Variants in ATCAY observed in about 807,000 individuals in gnomAD.
The protein encoded by ATCAY is ATCAY kinesin light chain interacting caytaxin, also known as caytaxin.
Under a neutral mutation model 47.7 loss-of-function variants are expected in ATCAY, and 22 were observed. That is an observed-to-expected ratio of 0.46 (90% confidence interval 0.33 to 0.66). The LOEUF is 0.66. ATCAY is among the 30% of genes least tolerant of loss of function. ATCAY has a pLI of 0.02. For missense variants in ATCAY, 452 were observed against 515.0 expected, an observed-to-expected ratio of 0.88 and a Z score of 1.18; for synonymous variants, 216 against 207.6, an observed-to-expected ratio of 1.04 and a Z score of -0.35.
chr19:3,905,639 C>T lies in ATCAY; in HGVS notation c.342C>T (p.Asn114=), dbSNP rs376522576. 1.4e-4 allele frequency: 225 copies of T among 1,613,396 alleles called. No individual in the cohort carries two copies. Among genetic ancestry groups the T allele is most frequent in the Non-Finnish European group, 1.8e-4 (213 of 1,179,778 alleles). ...CGCTGGAGTTCCTGGGGAATGGCAA[C>T]GAACTGGAGTGGGAAGGTAAAGTTC... ...TDSLEFLGNG[N]ELEWEDDTPV... is the part of the protein sequence containing the mutation. The change falls in exon 4 of 13, where the codon AAC becomes AAT. Residue 114 remains asparagine, a synonymous_variant. Coordinates refer to ENST00000450849, the MANE Select transcript of ATCAY (RefSeq NM_033064.5).
At chr19:3,905,729 A>G (rs1599287559) in intron 4 of ATCAY, 74 bp downstream of exon 4, 29 of 1,364,248 alleles carry the variant, frequency 2.1e-5, no homozygotes, top group Non-Finnish European at 2.8e-5. Flanking sequence ...CTGGATTCCC[A>G]TAGGCTCAGA....
Position 3,912,756 on chromosome 19 carries a change from C to T in ATCAY, c.867-1002C>T, listed in dbSNP as rs527394040. On this transcript the variant is annotated intron_variant, in intron 8 of 12. Transcript: ENST00000450849. ...TTTTAATTAGCCAGGCCTGGTGGCGCGCACCTGTGATCCCAGCTACTCAGA... is the reference window on the plus strand; with the variant it reads ...TTTTAATTAGCCAGGCCTGGTGGCGTGCACCTGTGATCCCAGCTACTCAGA... Among the ~76,000 whole-genome samples the T allele has an allele frequency of 1.1e-4, 16 of 151,784 alleles. No homozygotes were observed. The South Asian group carries it at 1.7e-3, about 16-fold the overall frequency.
Position 3,896,702 on chromosome 19 carries a change from G to A in ATCAY, c.78-5785G>A, listed in dbSNP as rs146879093. On this transcript the variant is annotated intron_variant, in intron 2 of 12. Transcript: ENST00000450849. ...CATCTTGAGAATCGAAGGCAGTGCC[G>A]GCTGCAAAGCAATGGGGCTTTCCTC... is the stretch of plus-strand genomic sequence containing the variant. Among the ~76,000 whole-genome samples the A allele has an allele frequency of 2.6e-3, 389 of 152,294 alleles. 1 individual carries two copies. The highest frequency in any genetic ancestry group is 9.0e-3 in the African/African-American group (376 of 41,562).
chr19:3,881,875 C>CGCCCCG (rs1555765216), intron 1 of ATCAY, among the ~76,000 whole-genome samples: 82 of 145,998 alleles, frequency 5.6e-4, no homozygotes, highest in African/African-American at 2.0e-3. Context: ...CGCCCCCCCC[C>CGCCCCG]CGACCCCATA....
intron 1 of ATCAY, among the ~76,000 whole-genome samples, chr19:3,881,543 C>T (rs2038599641): frequency 6.6e-6 from 1 of 152,196 alleles, no homozygotes; most frequent in African/African-American, 2.4e-5. Context: ...ATGAGCGCTT[C>T]ACTCCCGTTC....
At chr19:3,908,896 CCCTCCCCATCCTCCT>C (rs1214051890) in intron 6 of ATCAY, among the ~76,000 whole-genome samples, 1 of 85,298 alleles carries the variant, frequency 1.2e-5, no homozygotes, top group Non-Finnish European at 2.4e-5. Context: ...CCTCTCCTCC[CCCTCCCCATCCTCCT>C]CCTCCCCATC....
intron 9 of ATCAY, 106 bp downstream of exon 9, chr19:3,913,962 C>T (rs1384019998): frequency 2.9e-5 from 28 of 974,376 alleles, no homozygotes; most frequent in South Asian, 1.5e-4. Flanking sequence ...AGGGGCCGGG[C>T]GCGGTGGCTC....
chr19:3,889,949 CT>C (rs911051026), intron 2 of ATCAY, among the ~76,000 whole-genome samples: 166 of 144,364 alleles, frequency 1.1e-3, no homozygotes, highest in Admixed American at 1.5e-3. Context: ...CTTTTCTTTT[CT>C]TTTTTTTTTT....
chr19:3,899,841 G>C (rs1191063049), intron 2 of ATCAY, among the ~76,000 whole-genome samples: 2 of 152,128 alleles, frequency 1.3e-5, no homozygotes, highest in African/African-American at 4.8e-5. Context: ...CAGTGCTCCT[G>C]GGTCAAACTC....
At chr19:3,897,912 A>G (rs1423959336) in intron 2 of ATCAY, among the ~76,000 whole-genome samples, 3 of 152,110 alleles carry the variant, frequency 2.0e-5, no homozygotes, top group African/African-American at 7.2e-5. Context: ...CGTCTCAAAA[A>G]TTAAATAAGT....
At chr19:3,895,299 C>G (rs570962107) in intron 2 of ATCAY, 2 of 447,612 alleles carry the variant, frequency 4.5e-6, no homozygotes, top group African/African-American at 2.0e-5. Context: ...ACTGCAACCT[C>G]CGCTTCCTGG....
chr19:3,904,922 C>T lies in ATCAY; in HGVS notation c.137-512C>T, dbSNP rs888178916. 2.6e-5 allele frequency among the ~76,000 whole-genome samples: 4 copies of T among 152,012 alleles called. No homozygotes were observed. In the East Asian group the frequency reaches 5.8e-4, roughly 22 times the overall value. ...TCACCCAGGCTGGAGTGCAATGGTA[C>T]GATCTTGGCTCACTGTAACCTCCGC... is the stretch of plus-strand genomic sequence containing the variant. On this transcript the variant is annotated intron_variant, in intron 3 of 12. Coordinates refer to ENST00000450849, the MANE Select transcript of ATCAY (RefSeq NM_033064.5).
chr19:3,918,392 A>T (rs966576781), intron 10 of ATCAY, among the ~76,000 whole-genome samples: 37 of 151,910 alleles, frequency 2.4e-4, no homozygotes, highest in South Asian at 2.1e-4. Flanking sequence ...CTCAAAAAAA[A>T]AAAAAAATAA....
intron 12 of ATCAY, among the ~76,000 whole-genome samples, chr19:3,922,405 G>A (rs145632805): frequency 1.9e-4 from 29 of 152,300 alleles, no homozygotes; most frequent in Admixed American, 7.2e-4. Context: ...CTGAGCAAAG[G>A]GGGGAAAGCC....
rs769958279 is a variant in ATCAY at position 3,907,477 on chromosome 19, C to T, written c.359-257C>T. Among the ~76,000 whole-genome samples, 7 of 152,156 alleles carry T rather than the reference C, an allele frequency of 4.6e-5. No individual in the cohort carries two copies. Among genetic ancestry groups the T allele is most frequent in the Non-Finnish European group, 1.0e-4 (7 of 68,032 alleles). The stretch of plus-strand genomic sequence containing the variant: ...TCTGAGAAGCTCCAGGACACAGGTC[C>T]TTAACCAACAGAGTGCCCTGGGAGG... On this transcript the variant is annotated intron_variant, in intron 4 of 12. Transcript: ENST00000450849. This position sits in a 1 kb window ranked among gnomAD's most constrained non-coding sequence, Gnocchi z 5.1.
intron 9 of ATCAY, among the ~76,000 whole-genome samples, chr19:3,915,160 TTTTTAA>T (rs2038955988): frequency 6.6e-6 from 1 of 152,078 alleles, no homozygotes; most frequent in Non-Finnish European, 1.5e-5. Flanking sequence ...AGCCATTCCT[TTTTTAA>T]TTTTATTTAT....
chr19:3,882,392 A>G (rs1031429101), intron 1 of ATCAY, among the ~76,000 whole-genome samples: 1 of 152,034 alleles, frequency 6.6e-6, no homozygotes, highest in African/African-American at 2.4e-5. Flanking sequence ...ATCATAGCTC[A>G]CTGCAGTCTC....
chr19:3,919,700 T>G (rs2038999598), intron 11 of ATCAY, among the ~76,000 whole-genome samples: 1 of 149,028 alleles, frequency 6.7e-6, no homozygotes, highest in South Asian at 2.1e-4. Flanking sequence ...AGGTCAAGGC[T>G]ACAGCAAGCT....
chr19:3,908,624 GTCCTCC>G (rs144785071), intron 6 of ATCAY, among the ~76,000 whole-genome samples: 1 of 98,300 alleles, frequency 1.0e-5, no homozygotes, highest in African/African-American at 3.8e-5. Flanking sequence ...CCTCCTCACT[GTCCTCC>G]TCCTCCTCCC....
Sources: gnomAD v4.1 joint callset for allele counts (sites outside exome capture counted in the v4.1 genomes callset) on GRCh38, gnomAD v4.1.1 for gene constraint, Gnocchi (gnomAD v3.1) non-coding constraint, MANE v1.5 for transcripts, NCBI Gene and HGNC (gene_info 2026-07-23, HGNC 2026-07-21) for gene names.